The following CORIN variants were observed in gnomAD, a reference collection of about 807,000 sequenced individuals.
CORIN encodes corin, serine peptidase.
A neutral mutation model predicts 125.3 loss-of-function variants in CORIN; 117 were observed. The ratio of observed to expected loss-of-function variants is 0.93; its 90% CI spans 0.80 to 1.09. CORIN has a LOEUF of 1.09. Ranked by LOEUF, CORIN falls within the 50% of genes least tolerant of loss-of-function variation. The probability of loss-of-function intolerance (pLI) is 0.00; values close to 1 mark genes in which losing one functional copy is unlikely to be tolerated. For synonymous variants in CORIN, 450 were observed against 466.4 expected, an observed-to-expected ratio of 0.96 and a Z score of 0.45; for missense variants, 1,253 against 1,306.7, an observed-to-expected ratio of 0.96 and a Z score of 0.63.
At chr4:47,740,102 C>T (rs1324428616) in intron 5 of CORIN, among the ~76,000 whole-genome samples, 3 of 151,856 alleles carry the variant, frequency 2.0e-5, no homozygotes, top group Admixed American at 1.3e-4. Flanking sequence ...TTAAACACTA[C>T]AATCAAAAGG....
chr4:47,836,535 A>C (rs1288158424), intron 1 of CORIN, among the ~76,000 whole-genome samples: 1 of 152,156 alleles, frequency 6.6e-6, no homozygotes, highest in Non-Finnish European at 1.5e-5. Flanking sequence ...TAAAATAAAA[A>C]CTAGAAGCCA....
intron 5 of CORIN, among the ~76,000 whole-genome samples, chr4:47,736,223 T>A (rs749176936): frequency 2.0e-5 from 3 of 152,224 alleles, no homozygotes; most frequent in Non-Finnish European, 2.9e-5. Flanking sequence ...TAGTGGCTTT[T>A]AGCTATATAC....
intron 4 of CORIN, among the ~76,000 whole-genome samples, chr4:47,760,516 T>C (rs1350248853): frequency 2.0e-5 from 3 of 152,324 alleles, no homozygotes; most frequent in East Asian, 3.9e-4. Context: ...GGTCTATCAG[T>C]AAACAGGTGT....
At chr4:47,790,637 C>G (rs926508437) in intron 2 of CORIN, among the ~76,000 whole-genome samples, 1 of 152,138 alleles carries the variant, frequency 6.6e-6, no homozygotes, top group African/African-American at 2.4e-5. Flanking sequence ...TGGCTTTTGG[C>G]ACTAAGTTCT....
At chr4:47,794,173 G>A (rs1047402787) in intron 2 of CORIN, among the ~76,000 whole-genome samples, 1 of 152,082 alleles carries the variant, frequency 6.6e-6, no homozygotes, top group African/African-American at 2.4e-5. Flanking sequence ...AATTTGGGAG[G>A]TTTTCTATTT....
In CORIN at chr4:47,600,317, C is replaced by A. The variant is rs144827232; in HGVS notation, c.2843G>T (p.Arg948Leu). Residue 948 changes from arginine (R) to leucine (L), a missense_variant, in exon 21 of 22, where the codon CGC becomes CTC. Transcript: ENST00000273857. The stretch of plus-strand genomic sequence containing the variant: ...CTGACAATGTTCCAGAGAAATAATG[C>A]GGACCTCTCCCTCTTGCAGCTTAAA... ...MPFKLQEGEV[R>L]IISLEHCQSY... is the part of the protein sequence containing the mutation. The A allele has an allele frequency of 6.2e-7, 1 of 1,612,258 alleles. No individual in the cohort carries two copies. Among genetic ancestry groups the A allele is most frequent in the African/African-American group, 1.3e-5 (1 of 74,772 alleles).
chr4:47,813,727 T>A (rs972728827), intron 1 of CORIN, among the ~76,000 whole-genome samples: 2 of 152,216 alleles, frequency 1.3e-5, no homozygotes, highest in Non-Finnish European at 2.9e-5. Context: ...TACCAAAATG[T>A]TCTTAAATAA....
intron 3 of CORIN, among the ~76,000 whole-genome samples, chr4:47,767,080 A>T (rs1243368452): frequency 6.6e-6 from 1 of 152,154 alleles, no homozygotes; most frequent in Non-Finnish European, 1.5e-5. Flanking sequence ...AACAGCAAAG[A>T]GCATGGAGAG....
chr4:47,742,624 A>G (rs1728460609), intron 5 of CORIN, among the ~76,000 whole-genome samples: 1 of 152,066 alleles, frequency 6.6e-6, no homozygotes, highest in South Asian at 2.1e-4. Flanking sequence ...ATATTACCAT[A>G]GTATATAATT....
intron 18 of CORIN, 48 bp from the exon 19 acceptor site, chr4:47,623,793 C>T (rs1722439466): frequency 6.3e-7 from 1 of 1,600,000 alleles, no homozygotes; most frequent in African/African-American, 1.4e-5. Flanking sequence ...CCAAACCTTG[C>T]TAAATGCTTA....
intron 2 of CORIN, among the ~76,000 whole-genome samples, chr4:47,792,354 C>T (rs1731117698): frequency 1.3e-5 from 2 of 152,118 alleles, no homozygotes; most frequent in African/African-American, 4.8e-5. Context: ...TAGGGTGAAA[C>T]ATATTAGAAT....
At chr4:47,748,716 T>C (rs1407926962) in intron 4 of CORIN, among the ~76,000 whole-genome samples, 1 of 152,166 alleles carries the variant, frequency 6.6e-6, no homozygotes, top group Non-Finnish European at 1.5e-5. Flanking sequence ...CAAGTTCTGA[T>C]AAGGACATAA....
chr4:47,805,503 C>A (rs1731755797), intron 2 of CORIN, among the ~76,000 whole-genome samples: 1 of 152,110 alleles, frequency 6.6e-6, no homozygotes, highest in Non-Finnish European at 1.5e-5. Context: ...TTACTTAGAC[C>A]AGAGTCAGAG....
intron 12 of CORIN, among the ~76,000 whole-genome samples, chr4:47,658,632 C>T (rs77637573): frequency 0.15 from 22,988 of 152,258 alleles, 2,324 homozygotes; most frequent in South Asian, 0.25. Context: ...GCAGTGGGGA[C>T]CTGGGCCTGG....
At chr4:47,714,217 C>T (rs953171170) in intron 5 of CORIN, among the ~76,000 whole-genome samples, 2 of 152,086 alleles carry the variant, frequency 1.3e-5, no homozygotes, top group Admixed American at 6.6e-5. Flanking sequence ...ATAGAGCTTA[C>T]GTAGACAAAC....
intron 5 of CORIN, among the ~76,000 whole-genome samples, chr4:47,701,689 G>C (rs895549282): frequency 6.6e-6 from 1 of 151,658 alleles, no homozygotes; most frequent in South Asian, 2.1e-4. Flanking sequence ...AAAGTAGAAA[G>C]TTTTTTTTAA....
intron 1 of CORIN, among the ~76,000 whole-genome samples, chr4:47,822,331 C>T (rs1732554235): frequency 6.6e-6 from 1 of 152,120 alleles, no homozygotes; most frequent in African/African-American, 2.4e-5. Context: ...ATGGATATTT[C>T]CTATAAACAA....
intron 6 of CORIN, among the ~76,000 whole-genome samples, chr4:47,692,197 C>A (rs150101220): frequency 0.021 from 3,188 of 152,246 alleles, 66 homozygotes; most frequent in South Asian, 0.036. Flanking sequence ...TTTATATAAC[C>A]CTTAAAGAAC....
At chr4:47,766,563 A>G (rs534694727) in intron 3 of CORIN, among the ~76,000 whole-genome samples, 1 of 152,314 alleles carries the variant, frequency 6.6e-6, no homozygotes, top group African/African-American at 2.4e-5. Flanking sequence ...AGTGGGATCA[A>G]CTACAAACGA....
Sources: allele counts gnomAD v4.1 joint callset (sites outside exome capture counted in the v4.1 genomes callset), GRCh38; gene constraint gnomAD v4.1.1; transcripts MANE v1.5; gene names NCBI Gene and HGNC (gene_info 2026-07-23, HGNC 2026-07-21).